Variants in DNASE1 observed in about 807,000 individuals in gnomAD.
DNASE1 encodes the protein deoxyribonuclease 1, also known as deoxyribonuclease-1.
Under a neutral mutation model 33.9 loss-of-function variants are expected in DNASE1, and 40 were observed. The ratio of observed to expected loss-of-function variants is 1.18; its 90% CI spans 0.92 to 1.54. DNASE1 has a LOEUF of 1.54. Ranked by LOEUF, DNASE1 falls within the 40% of genes most tolerant of loss-of-function variation. The probability of loss-of-function intolerance (pLI) is 0.00; values close to 1 mark genes in which losing one functional copy is unlikely to be tolerated. For synonymous variants in DNASE1, 216 were observed against 160.0 expected (o/e 1.35, Z -2.64); for missense variants, 518 against 372.6 (o/e 1.39, Z -3.21).
At chr16:3,625,836 A>C (rs1160812009) in intron 1 of DNASE1, among the ~76,000 whole-genome samples, 1 of 152,270 alleles carries the variant, frequency 6.6e-6, no homozygotes, top group Admixed American at 6.5e-5. Context: ...ATGGTGGCTC[A>C]TGCCTGTAAT....
downstream of DNASE1, chr16:3,658,150 G>C: frequency 6.2e-7 from 1 of 1,614,084 alleles, no homozygotes. Flanking sequence ...CCAGGGCCTT[G>C]ACAAGCAGCT....
chr16:3,660,337 A>ACT (rs2042999220), downstream of DNASE1: 2 of 152,252 alleles, frequency 1.3e-5, no homozygotes, highest in African/African-American at 4.8e-5. Flanking sequence ...AAATTTTAAA[A>ACT]CAAATGAAAG....
chr16:3,658,115 T>C, downstream of DNASE1: 1 of 1,613,554 alleles, frequency 6.2e-7, no homozygotes, highest in African/African-American at 1.3e-5. Flanking sequence ...TCAGTCCTTC[T>C]GGCCCCCTGG....
chr16:3,622,306 A>G (rs1044522128), intron 1 of DNASE1, among the ~76,000 whole-genome samples: 8 of 151,620 alleles, frequency 5.3e-5, no homozygotes, highest in African/African-American at 1.9e-4. Flanking sequence ...CACAGAATAT[A>G]TCATGAAACA....
At position 3,656,755 on chromosome 16, in the gene DNASE1, T is replaced by G. The variant is rs1306055213; in HGVS notation, c.436+2T>G. ...TCAGGTTCTTCTCCCGGTTCACAGG[T>G]GGGTGCTGCCTGGGCCAGGGTGGGG... On this transcript the variant is annotated splice_donor_variant, in intron 5 of 8. Coordinates refer to ENST00000246949, the MANE Select transcript of DNASE1 (RefSeq NM_005223.4). LOFTEE classifies it high-confidence loss of function. 2.9e-5 allele frequency: 47 copies of G among 1,602,816 alleles called. No individual in the cohort carries two copies. Among genetic ancestry groups the G allele is most frequent in the Non-Finnish European group, 3.9e-5 (46 of 1,174,884 alleles).
At chr16:3,664,665 G>T in exon 10 of DNASE1, 1 of 568,624 alleles carries the variant, frequency 1.8e-6, no homozygotes, top group Non-Finnish European at 3.0e-6. Context: ...TGGGGGCTTA[G>T]GAAGCACCTC....
rs983493533 is a variant in DNASE1, at chr16:3,664,062, C to CA, written c.*6116dup. Reference sequence around the variant, plus strand: ...TGGGCGAGAGAGCAAGACTCCATCTCAAAAAAACAAAAAACAAACAAAAAA... The same window carrying CA: ...TGGGCGAGAGAGCAAGACTCCATCTCAAAAAAAACAAAAAACAAACAAAAAA... On this transcript the variant is annotated 3_prime_UTR_variant, in exon 10 of 10. Transcript: ENST00000407479. The CA allele has an allele frequency of 9.4e-5, 51 of 541,858 alleles. No individual in the cohort carries two copies. In the South Asian group the frequency reaches 1.0e-3, roughly 11 times the overall value. The allele number at this position is 541,858 out of a possible 1,614,324, so 33.6% of individuals were successfully genotyped here.
chr16:3,656,080 A>G, intron 3 of DNASE1, 22 bp from the exon 4 acceptor site: 1 of 1,613,804 alleles, frequency 6.2e-7, no homozygotes, highest in South Asian at 1.1e-5. Flanking sequence ...CGCCACTGGG[A>G]CCTTTTGTTT....
chr16:3,615,483 T>C (rs1305032920), intron 1 of DNASE1, among the ~76,000 whole-genome samples: 1 of 152,152 alleles, frequency 6.6e-6, no homozygotes, highest in Non-Finnish European at 1.5e-5. Context: ...ACAGTGTTAC[T>C]AGATGGATGT....
downstream of DNASE1, chr16:3,658,848 T>C (rs754758145): frequency 1.2e-6 from 2 of 1,613,952 alleles, no homozygotes; most frequent in East Asian, 2.2e-5. Context: ...CTGATTCAGC[T>C]TCTTGATGAG....
At chr16:3,633,989 T>A (rs2041788154) in intron 1 of DNASE1, among the ~76,000 whole-genome samples, 1 of 151,356 alleles carries the variant, frequency 6.6e-6, no homozygotes. Context: ...TTTTTGTATT[T>A]TTAGTAGAGG....
At chr16:3,614,788 T>A (rs545938829) in intron 1 of DNASE1, among the ~76,000 whole-genome samples, 17 of 152,220 alleles carry the variant, frequency 1.1e-4, no homozygotes, top group African/African-American at 3.6e-4. Flanking sequence ...ATACAGAAAA[T>A]TTTTTTAAAC....
chr16:3,652,163 G>A (rs2042357236), upstream of DNASE1: 1 of 152,508 alleles, frequency 6.6e-6, no homozygotes, highest in South Asian at 2.1e-4. Flanking sequence ...CTATGCCTGG[G>A]AGTTCCTGAA....
chr16:3,661,134 A>G (rs541929358), downstream of DNASE1: 7 of 152,220 alleles, frequency 4.6e-5, no homozygotes, highest in Admixed American at 2.0e-4. Context: ...AAAATACCCC[A>G]TAAGACACAT....
At chr16:3,662,234 G>A (rs1166289883), downstream of DNASE1, 2 of 1,442,196 alleles carry the variant, frequency 1.4e-6, no homozygotes, top group Non-Finnish European at 1.9e-6. Flanking sequence ...CGAGGTAGCA[G>A]GCGGGGTCTC....
chr16:3,631,731 C>A (rs951696492), intron 1 of DNASE1, among the ~76,000 whole-genome samples: 2 of 151,772 alleles, frequency 1.3e-5, no homozygotes, highest in Non-Finnish European at 1.5e-5. Context: ...CCGTGTTGGG[C>A]AGGCTGGTCT....
chr16:3,613,925 T>A (rs1186936438), intron 1 of DNASE1, among the ~76,000 whole-genome samples: 1 of 147,952 alleles, frequency 6.8e-6, no homozygotes, highest in Non-Finnish European at 1.5e-5. Flanking sequence ...TTTTTTTTTT[T>A]TTTTTTGGAC....
At chr16:3,644,357 G>A (rs968070833) in intron 1 of DNASE1, among the ~76,000 whole-genome samples, 3 of 152,112 alleles carry the variant, frequency 2.0e-5, no homozygotes, top group African/African-American at 4.8e-5. Context: ...GAGGTCAGGG[G>A]TCCAAGACCA....
At chr16:3,621,756 G>C (rs1012912063) in intron 1 of DNASE1, among the ~76,000 whole-genome samples, 32 of 152,142 alleles carry the variant, frequency 2.1e-4, no homozygotes, top group African/African-American at 7.5e-4. Context: ...ACATTAGATG[G>C]CTTTCATTTC....
Sources: gnomAD v4.1 joint callset for allele counts (sites outside exome capture counted in the v4.1 genomes callset) on GRCh38, gnomAD v4.1.1 for gene constraint, MANE v1.5 for transcripts, NCBI Gene and HGNC (gene_info 2026-07-23, HGNC 2026-07-21) for gene names.